The following SCRG1 variants were observed in gnomAD, a reference collection of about 807,000 sequenced individuals.
SCRG1 encodes scrapie-responsive protein 1.
Under a neutral mutation model 7.7 loss-of-function variants are expected in SCRG1, and 3 were observed. The ratio of observed to expected loss-of-function variants is 0.39; its 90% CI spans 0.18 to 1.01. The LOEUF (loss-of-function observed/expected upper bound fraction) is 1.01, where lower values mean the gene tolerates loss of function less well. Ranked by LOEUF, SCRG1 falls within the 50% of genes least tolerant of loss-of-function variation. SCRG1 has a pLI of 0.36. For missense variants in SCRG1, 110 were observed against 117.2 expected, an observed-to-expected ratio of 0.94 and a Z score of 0.28; for synonymous variants, 46 against 41.2, an observed-to-expected ratio of 1.12 and a Z score of -0.44.
chr4:173,445,400 G>A, the SCRG1 span, among the ~76,000 whole-genome samples: 1 of 151,722 alleles, frequency 6.6e-6, no homozygotes, highest in African/African-American at 2.4e-5. Context: ...GGCCCAAATG[G>A]TGAAACCCCC....
chr4:173,390,020 T>C, intron 2 of SCRG1: 1 of 249,738 alleles, frequency 4.0e-6, no homozygotes, highest in South Asian at 4.0e-5. Context: ...TATGAATTTA[T>C]CTACCATCAT....
At chr4:173,484,287 C>G in the SCRG1 span, among the ~76,000 whole-genome samples, 1 of 50,372 alleles carries the variant, frequency 2.0e-5, no homozygotes, top group Non-Finnish European at 3.4e-5. Context: ...CATATATTTT[C>G]TATGTAATGT....
chr4:173,503,495 G>A, the SCRG1 span, among the ~76,000 whole-genome samples: 4 of 152,174 alleles, frequency 2.6e-5, no homozygotes, highest in Non-Finnish European at 5.9e-5. This position sits in a 1 kb window ranked among gnomAD's most constrained non-coding sequence, Gnocchi z 6.4. Flanking sequence ...GGAGGGGAGT[G>A]TTGCAAGGGT....
chr4:173,391,458 A>C, intron 1 of SCRG1, 30 bp from the exon 2 acceptor site: 1 of 1,608,804 alleles, frequency 6.2e-7, no homozygotes, highest in South Asian at 1.1e-5. Flanking sequence ...AAAATGTGTC[A>C]ATGTTTGTTT....
At chr4:173,516,428 C>T in the SCRG1 span, among the ~76,000 whole-genome samples, 814 of 152,288 alleles carry the variant, frequency 5.3e-3, 3 homozygotes, top group African/African-American at 0.018. Context: ...TATTTTCCTC[C>T]TTTTTTGATT....
At chr4:173,397,215 T>C (rs1002424228) in intron 1 of SCRG1, among the ~76,000 whole-genome samples, 1 of 152,226 alleles carries the variant, frequency 6.6e-6, no homozygotes, top group African/African-American at 2.4e-5. Flanking sequence ...ACATTGGTTG[T>C]TGTTTCATTA....
Position 173,391,248 on chromosome 4 carries a change from T to A in SCRG1, c.167A>T (p.Gln56Leu). The A allele has an allele frequency of 1.2e-6, 2 of 1,614,206 alleles. No homozygotes were observed. The highest frequency in any genetic ancestry group is 1.7e-6 in the Non-Finnish European group (2 of 1,180,018). The change falls in exon 2 of 3, where the codon CAG becomes CTG. Residue 56 changes from glutamine to leucine, a missense_variant. Coordinates refer to ENST00000296506, the MANE Select transcript of SCRG1 (RefSeq NM_007281.4). The part of the protein sequence containing the change: ...ADLTQIDVNV[Q>L]DHFWDGKGCE... ...TCCCTTCCCATCCCAGAAATGATCC[T>A]GGACATTGACATCAATCTGTGTCAG... is the stretch of plus-strand genomic sequence containing the variant.
chr4:173,501,157 C>T, the SCRG1 span, among the ~76,000 whole-genome samples: 1 of 152,212 alleles, frequency 6.6e-6, no homozygotes, highest in African/African-American at 2.4e-5. This position sits in a 1 kb window ranked among gnomAD's most constrained non-coding sequence, Gnocchi z 5.1. Flanking sequence ...CGAGCTCCCG[C>T]TGCTTCCGGG....
At chr4:173,479,653 C>G in the SCRG1 span, among the ~76,000 whole-genome samples, 2 of 151,732 alleles carry the variant, frequency 1.3e-5, no homozygotes, top group African/African-American at 4.8e-5. Flanking sequence ...GTTACTCAGG[C>G]TGGTCTCAAA....
upstream of SCRG1, among the ~76,000 whole-genome samples, chr4:173,411,065 C>T (rs1178055941): frequency 6.6e-6 from 1 of 152,144 alleles, no homozygotes; most frequent in East Asian, 1.9e-4. Flanking sequence ...CTCCTTAGCT[C>T]CATCTATCAT....
At chr4:173,497,330 C>T in the SCRG1 span, among the ~76,000 whole-genome samples, 959 of 152,220 alleles carry the variant, frequency 6.3e-3, 10 homozygotes, top group African/African-American at 0.022. Context: ...TCACTGCCTA[C>T]CTATGGTCCC....
chr4:173,477,381 T>C, the SCRG1 span, among the ~76,000 whole-genome samples: 1 of 152,134 alleles, frequency 6.6e-6, no homozygotes, highest in South Asian at 2.1e-4. Context: ...ACAGGGAAAT[T>C]TCCCTCCCAT....
At chr4:173,448,857 A>G in the SCRG1 span, among the ~76,000 whole-genome samples, 1 of 152,228 alleles carries the variant, frequency 6.6e-6, no homozygotes. Flanking sequence ...ATTTATTTGT[A>G]CATGCATACA....
the SCRG1 span, among the ~76,000 whole-genome samples, chr4:173,506,642 T>C: frequency 6.6e-6 from 1 of 152,160 alleles, no homozygotes; most frequent in East Asian, 1.9e-4. This position sits in a 1 kb window ranked among gnomAD's most constrained non-coding sequence, Gnocchi z 5.3. Flanking sequence ...TTATTACTTC[T>C]CTTTTCCTGA....
the SCRG1 span, among the ~76,000 whole-genome samples, chr4:173,444,226 G>A: frequency 6.4e-4 from 98 of 152,124 alleles, 1 homozygote; most frequent in East Asian, 0.017. Flanking sequence ...CACCCGCCTC[G>A]GCCTCCCAAA....
At chr4:173,500,320 G>A in the SCRG1 span, among the ~76,000 whole-genome samples, 1 of 152,202 alleles carries the variant, frequency 6.6e-6, no homozygotes, top group South Asian at 2.1e-4. Flanking sequence ...CAAGAGCTGC[G>A]GGGTGCACCC....
chr4:173,409,755 A>T (rs1483826413), upstream of SCRG1, among the ~76,000 whole-genome samples: 1 of 151,728 alleles, frequency 6.6e-6, no homozygotes, highest in Non-Finnish European at 1.5e-5. Flanking sequence ...CACCCAGCTA[A>T]TTTTTGTATT....
At chr4:173,447,276 G>A in the SCRG1 span, among the ~76,000 whole-genome samples, 1 of 152,136 alleles carries the variant, frequency 6.6e-6, no homozygotes, top group African/African-American at 2.4e-5. Flanking sequence ...TTCCCATAAT[G>A]CCACTAATCC....
upstream of SCRG1, among the ~76,000 whole-genome samples, chr4:173,407,280 G>A (rs1355989054): frequency 6.6e-6 from 1 of 151,140 alleles, no homozygotes. Flanking sequence ...ACTTTAGGAG[G>A]CCGAGGTGGG....
Sources: gnomAD v4.1 joint callset for allele counts (sites outside exome capture counted in the v4.1 genomes callset) on GRCh38, gnomAD v4.1.1 for gene constraint, Gnocchi (gnomAD v3.1) non-coding constraint, MANE v1.5 for transcripts, NCBI Gene and HGNC (gene_info 2026-07-23, HGNC 2026-07-21) for gene names.